Variants in PTPRR observed in about 807,000 individuals in gnomAD.
PTPRR encodes the protein receptor-type tyrosine-protein phosphatase R.
In PTPRR, 38 loss-of-function variants were observed where a neutral mutation model predicts 77.2. The observed-to-expected ratio is 0.49, with a 90% CI of 0.38 to 0.65. The LOEUF is 0.65. PTPRR is among the 30% of genes least tolerant of loss of function. The pLI is 0.00. For synonymous variants in PTPRR, 299 were observed against 283.1 expected (o/e 1.06, Z -0.57); for missense variants, 744 against 799.2 (o/e 0.93, Z 0.83).
At chr12:70,699,719 T>C (rs1008209606) in intron 7 of PTPRR, among the ~76,000 whole-genome samples, 2 of 152,236 alleles carry the variant, frequency 1.3e-5, no homozygotes, top group Non-Finnish European at 2.9e-5. Flanking sequence ...ACCTGTTTGT[T>C]CCAAGTTATA....
chr12:70,731,166 C>T (rs957082027), intron 6 of PTPRR, among the ~76,000 whole-genome samples: 1 of 135,238 alleles, frequency 7.4e-6, no homozygotes, highest in East Asian at 2.3e-4. Context: ...AGAAAATATA[C>T]TTTAAAGTGA....
chr12:70,912,962 T>C (rs2137138269), intron 1 of PTPRR, among the ~76,000 whole-genome samples: 1 of 152,242 alleles, frequency 6.6e-6, no homozygotes, highest in East Asian at 1.9e-4. Context: ...ATGGGCCAAG[T>C]AGAATCTTTC....
intron 6 of PTPRR, among the ~76,000 whole-genome samples, chr12:70,712,647 T>C (rs987774684): frequency 6.6e-6 from 1 of 151,910 alleles, no homozygotes; most frequent in African/African-American, 2.4e-5. Flanking sequence ...ATGCAAAATA[T>C]ACACATTTTA....
At chr12:70,783,328 T>C (rs1012281073) in intron 2 of PTPRR, among the ~76,000 whole-genome samples, 2 of 152,084 alleles carry the variant, frequency 1.3e-5, no homozygotes, top group African/African-American at 4.8e-5. Flanking sequence ...TGTGCAGACA[T>C]CTACTGCTCT....
At chr12:70,716,294 T>G (rs1425179476) in intron 6 of PTPRR, among the ~76,000 whole-genome samples, 1 of 151,902 alleles carries the variant, frequency 6.6e-6, no homozygotes, top group Non-Finnish European at 1.5e-5. Context: ...TGGGTAGAAT[T>G]GTTAATAATT....
chr12:70,669,321 A>G (rs151324322), intron 10 of PTPRR, among the ~76,000 whole-genome samples: 80 of 151,666 alleles, frequency 5.3e-4, no homozygotes, highest in African/African-American at 1.7e-3. Flanking sequence ...CATCCACTCA[A>G]CCTCCCAAAC....
intron 1 of PTPRR, among the ~76,000 whole-genome samples, chr12:70,914,706 C>T (rs1180350650): frequency 1.3e-5 from 2 of 151,926 alleles, no homozygotes; most frequent in Admixed American, 1.3e-4. Context: ...ACCTGTAATC[C>T]CAGCACTCTC....
chr12:70,668,570 A>C (rs1204103468), intron 10 of PTPRR, among the ~76,000 whole-genome samples: 1 of 152,166 alleles, frequency 6.6e-6, no homozygotes, highest in Non-Finnish European at 1.5e-5. Flanking sequence ...CATTTTATGC[A>C]TTTAGAATTT....
chr12:70,764,593 T>C, intron 3 of PTPRR, 72 bp downstream of exon 3: 1 of 1,240,366 alleles, frequency 8.1e-7, no homozygotes, highest in Non-Finnish European at 1.2e-6. Context: ...AACTATAGCA[T>C]GAGCCCTTTA....
At chr12:70,815,066 T>C (rs1008109707) in intron 2 of PTPRR, among the ~76,000 whole-genome samples, 11 of 148,362 alleles carry the variant, frequency 7.4e-5, no homozygotes, top group African/African-American at 2.8e-4. Context: ...AAACAGTAAT[T>C]ACAACTACGC....
intron 1 of PTPRR, among the ~76,000 whole-genome samples, chr12:70,916,746 T>A (rs1043967114): frequency 7.2e-5 from 11 of 152,208 alleles, no homozygotes; most frequent in Non-Finnish European, 1.2e-4. Context: ...CAGATCTTCT[T>A]GGTACTATCA....
At chr12:70,775,327 A>G (rs1891065625) in intron 2 of PTPRR, among the ~76,000 whole-genome samples, 1 of 152,218 alleles carries the variant, frequency 6.6e-6, no homozygotes, top group African/African-American at 2.4e-5. Context: ...ATATTTTATG[A>G]CAAGACTTTC....
rs748674995 is a variant in PTPRR, at chr12:70,745,822, C to T, written c.1003G>A (p.Glu335Lys). 1.2e-6 allele frequency: 2 copies of T among 1,614,026 alleles called. No homozygotes were observed. Among genetic ancestry groups the T allele is most frequent in the Non-Finnish European group, 1.7e-6 (2 of 1,179,964 alleles). ...GTATACAGAACAAGCTCTTACCTCT[C>T]TTGAAGTCCTATGGGCTTCATTTTG... ...PFKMKPIGLQ[E>K]RRGSNVSLTL... The change falls in exon 6 of 14, where the codon GAG becomes AAG. Residue 335 changes from glutamate (E) to lysine (K), a missense_variant. Physicochemically the swap from Glu to Lys is moderately conservative, Grantham distance 56. Around this residue, in one of 3 missense-constraint regions of PTPRR, gnomAD observed 570 missense variants for 573.2 expected, o/e 0.99. Coordinates refer to ENST00000283228, the MANE Select transcript of PTPRR (RefSeq NM_002849.4).
At chr12:70,717,867 G>A (rs576048330) in intron 6 of PTPRR, among the ~76,000 whole-genome samples, 2 of 151,946 alleles carry the variant, frequency 1.3e-5, no homozygotes, top group Non-Finnish European at 1.5e-5. Flanking sequence ...TTATCATAAT[G>A]TTTTGCATTG....
chr12:70,899,953 G>A (rs989242736), intron 1 of PTPRR, among the ~76,000 whole-genome samples: 3 of 151,286 alleles, frequency 2.0e-5, no homozygotes, highest in African/African-American at 7.3e-5. Flanking sequence ...AAATACTTAG[G>A]TATAAATCTA....
rs189929296 is a variant in PTPRR at position 70,719,558 on chromosome 12, A to T, written c.1008-18235T>A. Among the ~76,000 whole-genome samples the T allele has an allele frequency of 9.0e-3, 1,364 of 152,212 alleles. 8 individuals are homozygous for T. Among genetic ancestry groups the T allele is most frequent in the African/African-American group, 0.015 (621 of 41,536 alleles). On this transcript the variant is annotated intron_variant, in intron 6 of 13. Transcript: ENST00000283228. ...GGGCAAAAAAAAAAATCATTTTTTTAAAAAAATAATGAAAATTGCAAAGGC... is the reference window on the plus strand; with the variant it reads ...GGGCAAAAAAAAAAATCATTTTTTTTAAAAAATAATGAAAATTGCAAAGGC...
At chr12:70,896,478 G>A (rs536664732) in intron 1 of PTPRR, among the ~76,000 whole-genome samples, 2 of 151,362 alleles carry the variant, frequency 1.3e-5, no homozygotes, top group Admixed American at 6.6e-5. Context: ...TCATATACTG[G>A]GCCATAAAAT....
chr12:70,832,828 A>G (rs1318713408), intron 2 of PTPRR, among the ~76,000 whole-genome samples: 1 of 152,130 alleles, frequency 6.6e-6, no homozygotes, highest in Non-Finnish European at 1.5e-5. Context: ...GCTTCTGGTG[A>G]GTACTCAGAA....
intron 2 of PTPRR, among the ~76,000 whole-genome samples, chr12:70,829,772 A>G (rs776824195): frequency 3.9e-5 from 6 of 152,160 alleles, no homozygotes; most frequent in Non-Finnish European, 5.9e-5. Context: ...CTGTCAGTCA[A>G]TCAATGGTGT....
Sources: allele counts gnomAD v4.1 joint callset (sites outside exome capture counted in the v4.1 genomes callset), GRCh38; gene constraint gnomAD v4.1.1; regional missense constraint gnomAD v4.1.1; transcripts MANE v1.5; gene names NCBI Gene and HGNC (gene_info 2026-07-23, HGNC 2026-07-21).